Variants in SLC35D4 observed in about 807,000 individuals in gnomAD.
SLC35D4 encodes solute carrier family 35 member D4, also known as UDP-N-acetylglucosamine transporter SLC35D4.
chr18:23,374,941 C>T, the SLC35D4 span, among the ~76,000 whole-genome samples: 2 of 151,746 alleles, frequency 1.3e-5, no homozygotes, highest in African/African-American at 4.8e-5. Context: ...ATGGTAAAAC[C>T]CCTTTTCTAC....
the SLC35D4 span, chr18:23,365,600 C>G: frequency 1.2e-6 from 2 of 1,611,028 alleles, no homozygotes; most frequent in Middle Eastern, 1.7e-4. Context: ...CAATGTCAAA[C>G]AGACAAACAA....
the SLC35D4 span, among the ~76,000 whole-genome samples, chr18:23,383,906 G>A: frequency 6.1e-3 from 913 of 150,284 alleles, 11 homozygotes; most frequent in African/African-American, 0.021. Context: ...GGGGGAGATC[G>A]GGTATGGTCA....
the SLC35D4 span, among the ~76,000 whole-genome samples, chr18:23,380,054 G>A: frequency 1.3e-5 from 2 of 152,008 alleles, no homozygotes; most frequent in African/African-American, 4.8e-5. Flanking sequence ...CTGAGATCAC[G>A]CCACCGCACT....
chr18:23,262,202 G>T, the SLC35D4 span, among the ~76,000 whole-genome samples: 7 of 152,204 alleles, frequency 4.6e-5, no homozygotes, highest in Non-Finnish European at 8.8e-5. Flanking sequence ...TTACCTAGCT[G>T]CTTCATCTAA....
At chr18:23,430,561 A>T in the SLC35D4 span, 2 of 1,329,014 alleles carry the variant, frequency 1.5e-6, no homozygotes, top group Non-Finnish European at 2.1e-6. Flanking sequence ...AGTTATTAAA[A>T]CTATTTCAAA....
the SLC35D4 span, among the ~76,000 whole-genome samples, chr18:23,370,574 C>T: frequency 8.1e-4 from 123 of 152,292 alleles, no homozygotes; most frequent in African/African-American, 2.9e-3. Flanking sequence ...CTTGACATGA[C>T]GCACATGAAA....
At chr18:23,303,470 G>A in the SLC35D4 span, among the ~76,000 whole-genome samples, 1 of 152,190 alleles carries the variant, frequency 6.6e-6, no homozygotes, top group Non-Finnish European at 1.5e-5. Flanking sequence ...TTCCGACTCA[G>A]CATTTCCTCA....
At chr18:23,324,515 A>G in the SLC35D4 span, among the ~76,000 whole-genome samples, 1 of 152,256 alleles carries the variant, frequency 6.6e-6, no homozygotes, top group Non-Finnish European at 1.5e-5. Flanking sequence ...AGTTGAGGCC[A>G]AATTACGTTC....
At chr18:23,361,173 A>C in the SLC35D4 span, among the ~76,000 whole-genome samples, 1 of 151,996 alleles carries the variant, frequency 6.6e-6, no homozygotes, top group Non-Finnish European at 1.5e-5. Flanking sequence ...AACCAAAAAG[A>C]ATTGAGCCCT....
chr18:23,346,919 T>G, the SLC35D4 span, among the ~76,000 whole-genome samples: 1 of 152,352 alleles, frequency 6.6e-6, no homozygotes, highest in Admixed American at 6.5e-5. Context: ...CAAATTTGGT[T>G]TGCTAAGATT....
the SLC35D4 span, chr18:23,258,600 GAA>G: frequency 2.0e-5 from 3 of 152,256 alleles, no homozygotes; most frequent in African/African-American, 7.2e-5. Flanking sequence ...TCCCCTGACT[GAA>G]GAGAGCCTGT....
the SLC35D4 span, among the ~76,000 whole-genome samples, chr18:23,281,845 C>A: frequency 6.6e-6 from 1 of 152,180 alleles, no homozygotes; most frequent in African/African-American, 2.4e-5. Context: ...GGCAGAACAG[C>A]CCTCCTAGAC....
the SLC35D4 span, among the ~76,000 whole-genome samples, chr18:23,411,853 ATTAT>A: frequency 0.021 from 3,142 of 152,292 alleles, 96 homozygotes; most frequent in African/African-American, 0.071. Flanking sequence ...ATTAAATTAA[ATTAT>A]TTGTTTTTCA....
chr18:23,376,805 C>T, the SLC35D4 span: 5 of 456,406 alleles, frequency 1.1e-5, no homozygotes, highest in Admixed American at 4.7e-5. Context: ...GCCTTCCCAC[C>T]CCACCTGGCC....
At chr18:23,303,554 T>C in the SLC35D4 span, among the ~76,000 whole-genome samples, 1 of 152,356 alleles carries the variant, frequency 6.6e-6, no homozygotes, top group South Asian at 2.1e-4. Flanking sequence ...ATTTTGAAAT[T>C]CTGTACAAAA....
At chr18:23,244,563 C>T in the SLC35D4 span, among the ~76,000 whole-genome samples, 3 of 152,212 alleles carry the variant, frequency 2.0e-5, no homozygotes, top group African/African-American at 7.2e-5. Context: ...TAGATTTAGT[C>T]GAGGGCCACC....
the SLC35D4 span, among the ~76,000 whole-genome samples, chr18:23,378,858 T>C: frequency 6.6e-6 from 1 of 152,220 alleles, no homozygotes; most frequent in African/African-American, 2.4e-5. Flanking sequence ...TGTGGCTTAC[T>C]ACAAAGGCTA....
chr18:23,407,290 C>T, the SLC35D4 span, among the ~76,000 whole-genome samples: 2 of 152,068 alleles, frequency 1.3e-5, no homozygotes, highest in African/African-American at 4.8e-5. Context: ...CAATAACAAC[C>T]TCAATAAATG....
At chr18:23,381,030 T>C in the SLC35D4 span, among the ~76,000 whole-genome samples, 1 of 152,224 alleles carries the variant, frequency 6.6e-6, no homozygotes, top group African/African-American at 2.4e-5. Flanking sequence ...GTGTTCCTTA[T>C]GATAAGGGAT....
Sources: gnomAD v4.1 joint callset for allele counts (sites outside exome capture counted in the v4.1 genomes callset) on GRCh38, gnomAD v4.1.1 for gene constraint, MANE v1.5 for transcripts, NCBI Gene and HGNC (gene_info 2026-07-23, HGNC 2026-07-21) for gene names.